Variants in DENND4C observed in about 807,000 individuals in gnomAD.
DENND4C encodes the protein DENN domain containing 4C, also known as DENN domain-containing protein 4C.
In DENND4C, 108 loss-of-function variants were observed where a neutral mutation model predicts 203.0. The ratio of observed to expected loss-of-function variants is 0.53; its 90% CI spans 0.46 to 0.62. The LOEUF (loss-of-function observed/expected upper bound fraction) is 0.62. Ranked by LOEUF, DENND4C falls within the 20% of genes least tolerant of loss-of-function variation. DENND4C has a pLI of 0.00. For synonymous variants in DENND4C, 871 were observed against 792.4 expected, an observed-to-expected ratio of 1.10 and a Z score of -1.67; for missense variants, 2,481 against 2,301.2, an observed-to-expected ratio of 1.08 and a Z score of -1.60.
At chr9:19,320,821 C>T (rs895932624) in intron 12 of DENND4C, among the ~76,000 whole-genome samples, 12 of 152,214 alleles carry the variant, frequency 7.9e-5, no homozygotes, top group African/African-American at 2.9e-4. Context: ...CTTGGTCTAG[C>T]AGCCTTTGCT....
intron 23 of DENND4C, among the ~76,000 whole-genome samples, chr9:19,349,365 A>C (rs994261910): frequency 1.3e-5 from 2 of 152,162 alleles, no homozygotes; most frequent in African/African-American, 2.4e-5. Flanking sequence ...CCGAGATCAC[A>C]CCACTGCACT....
chr9:19,274,512 C>T (rs369784881), intron 1 of DENND4C, among the ~76,000 whole-genome samples: 1 of 152,176 alleles, frequency 6.6e-6, no homozygotes, highest in African/African-American at 2.4e-5. Context: ...TCAGGCTGGT[C>T]TCAAACTCCC....
chr9:19,346,152 T>A lies in DENND4C; in HGVS notation c.3383T>A (p.Ile1128Asn), dbSNP rs1489513504. 1 of 1,614,102 alleles carries A rather than the reference T, an allele frequency of 6.2e-7. No homozygotes were observed. The highest frequency in any genetic ancestry group is 8.5e-7 in the Non-Finnish European group (1 of 1,180,038). Residue 1128 changes from isoleucine to asparagine, a missense_variant, in exon 23 of 33, where the codon ATT becomes AAT. Transcript: ENST00000434457. ...ATCATGATGGGAGCAGATGCCAAGA[T>A]TCTCACAGCAGCATTGACATGTCCT... is the stretch of plus-strand genomic sequence containing the variant. ...MAIMMGADAK[I>N]LTAALTCPKT...
chr9:19,331,271 C>T (rs1819089604), intron 16 of DENND4C, among the ~76,000 whole-genome samples: 1 of 150,554 alleles, frequency 6.6e-6, no homozygotes. Context: ...GGCACAATCT[C>T]AGCTCACTGC....
intron 28 of DENND4C, among the ~76,000 whole-genome samples, chr9:19,359,958 T>C (rs1472550381): frequency 3.3e-5 from 5 of 152,132 alleles, no homozygotes; most frequent in Non-Finnish European, 7.4e-5. Context: ...ATATTTCTTA[T>C]AAAAATTGAA....
chr9:19,267,037 C>G (rs542748099), intron 1 of DENND4C, among the ~76,000 whole-genome samples: 2 of 151,992 alleles, frequency 1.3e-5, no homozygotes, highest in South Asian at 4.2e-4. Context: ...AATAGATGCT[C>G]TGTTCTTGAG....
intron 10 of DENND4C, among the ~76,000 whole-genome samples, chr9:19,308,676 TA>T (rs1174920973): frequency 5.3e-5 from 8 of 152,318 alleles, no homozygotes; most frequent in Middle Eastern, 6.8e-3. Context: ...TTATCAAATT[TA>T]TTAATTTCTC....
intron 12 of DENND4C, among the ~76,000 whole-genome samples, chr9:19,320,459 A>G (rs1465019472): frequency 6.6e-6 from 1 of 152,210 alleles, no homozygotes; most frequent in Non-Finnish European, 1.5e-5. Context: ...TCGGCCTTCC[A>G]AAATGCTGGG....
chr9:19,361,408 A>G (rs915559520), intron 29 of DENND4C, among the ~76,000 whole-genome samples: 2 of 152,184 alleles, frequency 1.3e-5, no homozygotes, highest in African/African-American at 4.8e-5. Flanking sequence ...GTGAGCTCCT[A>G]GAGTGCTTTA....
chr9:19,279,581 G>C (rs1737456765), intron 2 of DENND4C, among the ~76,000 whole-genome samples: 1 of 152,056 alleles, frequency 6.6e-6, no homozygotes, highest in African/African-American at 2.4e-5. Context: ...GGAGGCTGAG[G>C]CAGGAGAATC....
chr9:19,276,457 A>G lies in DENND4C; in HGVS notation c.283A>G (p.Lys95Glu). The G allele has an allele frequency of 8.1e-7, 1 of 1,232,112 alleles. No individual in the cohort carries two copies. The highest frequency in any genetic ancestry group is 3.2e-5 in the East Asian group (1 of 31,696). The allele number at this position is 1,232,112 out of a possible 1,614,324, so 76.3% of individuals were successfully genotyped here. A position where few individuals can be genotyped will look rare whatever the true frequency, so the allele number is the denominator to read the frequency against. The change falls in exon 2 of 33, where the codon AAA (lysine) becomes GAA (glutamate). Residue 95 changes from lysine (K) to glutamate (E), a missense_variant. Around this residue, in one of 3 missense-constraint regions of DENND4C, gnomAD observed 187 missense variants for 167.4 expected, o/e 1.12. Transcript: ENST00000434457. Reference sequence around the variant, plus strand: ...CCTCTGTTATAAGAGAGGGAGAGATAAACCACCGCTTACAGATATTGGGTA... The same window carrying G: ...CCTCTGTTATAAGAGAGGGAGAGATGAACCACCGCTTACAGATATTGGGTA... ...LFLCYKRGRD[K>E]PPLTDIGVLY...
At chr9:19,355,961 G>A (rs1825307886) in intron 26 of DENND4C, among the ~76,000 whole-genome samples, 1 of 151,792 alleles carries the variant, frequency 6.6e-6, no homozygotes, top group Admixed American at 6.6e-5. Context: ...TGAGTTAATT[G>A]TGTTTTTAAG....
At chr9:19,263,508 C>T (rs1435747151) in intron 1 of DENND4C, among the ~76,000 whole-genome samples, 3 of 151,890 alleles carry the variant, frequency 2.0e-5, no homozygotes, top group Admixed American at 1.3e-4. Flanking sequence ...AGGCGTGCGC[C>T]ACCGTGCCCT....
chr9:19,232,145 G>C (rs1373528826), intron 1 of DENND4C, among the ~76,000 whole-genome samples: 1 of 152,158 alleles, frequency 6.6e-6, no homozygotes, highest in East Asian at 1.9e-4. Flanking sequence ...CCTGTTCTTT[G>C]TATTACTGTT....
intron 1 of DENND4C, among the ~76,000 whole-genome samples, chr9:19,258,741 G>A (rs981020658): frequency 8.6e-5 from 13 of 151,960 alleles, no homozygotes; most frequent in Admixed American, 3.9e-4. Flanking sequence ...TGCAGCCTCT[G>A]CCTTCTGGGT....
chr9:19,364,248 C>T (rs557315116), intron 30 of DENND4C, among the ~76,000 whole-genome samples: 13 of 151,236 alleles, frequency 8.6e-5, no homozygotes, highest in African/African-American at 2.2e-4. Flanking sequence ...TGGCAAAAAA[C>T]GTTAAAGATG....
Position 19,326,131 on chromosome 9 carries a change from C to G in DENND4C, c.2057C>G (p.Thr686Ser). ...ELDDSQKSEH[T>S]VFIMPPEPPP... Reference sequence around the variant, plus strand: ...GATGATTCACAGAAAAGTGAGCATACTGTATTTATAATGCCGCCAGAGCCA... The same window carrying G: ...GATGATTCACAGAAAAGTGAGCATAGTGTATTTATAATGCCGCCAGAGCCA... Residue 686 changes from threonine (T) to serine (S), a missense_variant, in exon 15 of 33, where the codon ACT becomes AGT. This residue lies in a region of DENND4C where 2,289 missense variants were observed against 2,113.3 expected (regional missense o/e 1.08). Transcript: ENST00000434457. 6.2e-7 allele frequency: 1 copy of G among 1,613,512 alleles called. No individual in the cohort carries two copies. The highest frequency in any genetic ancestry group is 8.5e-7 in the Non-Finnish European group (1 of 1,179,704).
chr9:19,321,595 A>T (rs913248267), intron 12 of DENND4C, among the ~76,000 whole-genome samples: 1 of 152,054 alleles, frequency 6.6e-6, no homozygotes, highest in African/African-American at 2.4e-5. Context: ...CTGTAATCCC[A>T]GCATTTTGGG....
chr9:19,242,390 G>C (rs2094224436), intron 1 of DENND4C, among the ~76,000 whole-genome samples: 1 of 152,162 alleles, frequency 6.6e-6, no homozygotes, highest in African/African-American at 2.4e-5. Context: ...ATTGTGTGCA[G>C]GTTTTGTGTA....
Sources: allele counts gnomAD v4.1 joint callset (sites outside exome capture counted in the v4.1 genomes callset), GRCh38; gene constraint gnomAD v4.1.1; regional missense constraint gnomAD v4.1.1; transcripts MANE v1.5; gene names NCBI Gene and HGNC (gene_info 2026-07-23, HGNC 2026-07-21).